TAFA3: variants seen among roughly 807,000 people sequenced by gnomAD.
The protein encoded by TAFA3 is TAFA chemokine like family member 3.
Under a neutral mutation model 20.7 loss-of-function variants are expected in TAFA3, and 17 were observed. The ratio of observed to expected loss-of-function variants is 0.82; its 90% CI spans 0.56 to 1.23. The LOEUF (loss-of-function observed/expected upper bound fraction) is 1.23, where lower values mean the gene tolerates loss of function less well. TAFA3 is among the 50% of genes most tolerant of loss of function. The pLI, the probability that TAFA3 is intolerant of heterozygous loss-of-function variation, is 0.00. For synonymous variants in TAFA3, 74 were observed against 71.8 expected, an observed-to-expected ratio of 1.03 and a Z score of -0.16; for missense variants, 174 against 172.8, an observed-to-expected ratio of 1.01 and a Z score of -0.04.
intron 1 of TAFA3, among the ~76,000 whole-genome samples, chr1:112,719,572 G>A (rs938382012): frequency 1.3e-5 from 2 of 152,122 alleles, no homozygotes; most frequent in Admixed American, 6.5e-5. Context: ...TAGAATGCCA[G>A]GGATGAGAGC....
chr1:112,722,191 C>A (rs1195220531), intron 2 of TAFA3, 42 bp from the exon 3 acceptor site: 5 of 1,598,654 alleles, frequency 3.1e-6, no homozygotes, highest in Non-Finnish European at 3.4e-6. Context: ...CACAGGGGAG[C>A]TTCTGCCTGG....
At chr1:112,721,465 C>T (rs948317115) in intron 2 of TAFA3, among the ~76,000 whole-genome samples, 3 of 152,264 alleles carry the variant, frequency 2.0e-5, no homozygotes, top group African/African-American at 7.2e-5. Flanking sequence ...AGGTGTGCAC[C>T]ACCATGCCTG....
intron 3 of TAFA3, 151 bp from the exon 4 acceptor site, chr1:112,722,865 A>C: frequency 1.0e-6 from 1 of 966,514 alleles, no homozygotes; most frequent in Non-Finnish European, 1.5e-6. Flanking sequence ...AGCGGCGGGA[A>C]GATTTCATCC....
intron 2 of TAFA3, among the ~76,000 whole-genome samples, chr1:112,720,836 C>T (rs2101495225): frequency 6.6e-6 from 1 of 152,344 alleles, no homozygotes; most frequent in South Asian, 2.1e-4. Flanking sequence ...CTCCTGCTCC[C>T]TTCAATGGCT....
At chr1:112,723,952 C>T (rs1027176486) in intron 4 of TAFA3, 61 bp from the exon 5 acceptor site, 7 of 1,613,444 alleles carry the variant, frequency 4.3e-6, no homozygotes, top group African/African-American at 2.7e-5. Context: ...CAGACCTGCT[C>T]TTGGCTGCCC....
At chr1:112,723,626 G>A (rs540454087) in intron 4 of TAFA3, among the ~76,000 whole-genome samples, 3 of 152,106 alleles carry the variant, frequency 2.0e-5, no homozygotes, top group South Asian at 2.1e-4. Context: ...TGTGTCACGC[G>A]CATACCAGCT....
chr1:112,726,308 C>A (rs1397315600), intron 5 of TAFA3, among the ~76,000 whole-genome samples: 2 of 152,190 alleles, frequency 1.3e-5, no homozygotes, highest in Non-Finnish European at 2.9e-5. Context: ...GACAGCCATT[C>A]TGAGTATATT....
At chr1:112,719,620 C>A (rs1371191640) in intron 1 of TAFA3, among the ~76,000 whole-genome samples, 1 of 152,070 alleles carries the variant, frequency 6.6e-6, no homozygotes, top group Non-Finnish European at 1.5e-5. Flanking sequence ...CCCCACCCCA[C>A]CAAGGTCTTT....
chr1:112,722,877 C>G (rs1675362650), intron 3 of TAFA3, 139 bp from the exon 4 acceptor site: 1 of 1,102,522 alleles, frequency 9.1e-7, no homozygotes, highest in Admixed American at 2.9e-5. Flanking sequence ...ATTTCATCCA[C>G]TTCCTCCTCC....
In TAFA3 at chr1:112,723,080, C is replaced by T. The variant is rs778151571; in HGVS notation, c.180C>T (p.Ile60=). The T allele has an allele frequency of 1.2e-6, 2 of 1,612,990 alleles. No homozygotes were observed. The highest frequency in any genetic ancestry group is 1.7e-6 in the Non-Finnish European group (2 of 1,179,692). Residue 60 remains isoleucine, a synonymous_variant, in exon 4 of 6, where the codon ATC becomes ATT. Coordinates refer to ENST00000361886, the MANE Select transcript of TAFA3 (RefSeq NM_182759.3). ...ACCGCTGCTGCAACCGGAACCGCAT[C>T]GAGGAGCGCTCCCAGACGGTGAAAT... ...AAHRCCNRNR[I]EERSQTVKCS...
chr1:112,722,364 C>T lies in TAFA3; in HGVS notation c.115+16C>T, dbSNP rs1272308230. On this transcript the variant is annotated intron_variant, in intron 3 of 5. Transcript: ENST00000361886. Reference sequence around the variant, plus strand: ...ACTGCCACAGGTTTGGAGGAGGTGGCAGGGCCCGGGGAGGGAGTTTCCCAG... The same window carrying T: ...ACTGCCACAGGTTTGGAGGAGGTGGTAGGGCCCGGGGAGGGAGTTTCCCAG... The T allele has an allele frequency of 2.5e-6, 4 of 1,607,886 alleles. No individual in the cohort carries two copies. Among genetic ancestry groups the T allele is most frequent in the Non-Finnish European group, 3.4e-6 (4 of 1,176,686 alleles).
At chr1:112,723,305 C>A in intron 4 of TAFA3, 140 bp downstream of exon 4, 1 of 1,158,558 alleles carries the variant, frequency 8.6e-7, no homozygotes, top group Non-Finnish European at 1.2e-6. Flanking sequence ...GGGGCCCCCT[C>A]TGGGAGAAGA....
intron 5 of TAFA3, among the ~76,000 whole-genome samples, chr1:112,724,786 TA>T (rs58991438): frequency 0.018 from 927 of 51,428 alleles, 22 homozygotes; most frequent in African/African-American, 0.063. Context: ...AAGTATAATT[TA>T]AAAAAAAAAA....
At chr1:112,724,859 C>T (rs1675431947) in intron 5 of TAFA3, among the ~76,000 whole-genome samples, 1 of 102,540 alleles carries the variant, frequency 9.8e-6, no homozygotes, top group South Asian at 3.6e-4. Context: ...AACAGAACTA[C>T]CATTCAACCC....
At chr1:112,723,355 C>G (rs970358984) in intron 4 of TAFA3, among the ~76,000 whole-genome samples, 190 bp downstream of exon 4, 1 of 152,154 alleles carries the variant, frequency 6.6e-6, no homozygotes, top group Non-Finnish European at 1.5e-5. Context: ...ATGAGAAAAG[C>G]TCTTGTTATG....
At position 112,724,071 on chromosome 1, in the gene TAFA3, G is replaced by C. The variant is rs778724917; in HGVS notation, c.324G>C (p.Glu108Asp). ...TGGAGCCCTGCCTGCCGGGGGAGGAGTGTAAGGTGCTCCCGGACCTGTCGG... is the reference window on the plus strand; with the variant it reads ...TGGAGCCCTGCCTGCCGGGGGAGGACTGTAAGGTGCTCCCGGACCTGTCGG... ...CQMEPCLPGE[E>D]CKVLPDLSGW... Residue 108 changes from glutamate (E) to aspartate (D), a missense_variant, in exon 5 of 6, where the codon GAG (glutamate) becomes GAC (aspartate). Coordinates refer to ENST00000361886, the MANE Select transcript of TAFA3 (RefSeq NM_182759.3). 6.2e-7 allele frequency: 1 copy of C among 1,613,798 alleles called. No individual in the cohort carries two copies. The highest frequency in any genetic ancestry group is 8.5e-7 in the Non-Finnish European group (1 of 1,179,970).
chr1:112,724,816 CAAAAA>C, intron 5 of TAFA3, among the ~76,000 whole-genome samples: 5,481 of 22,924 alleles, frequency 0.24, 258 homozygotes, highest in South Asian at 0.36. Flanking sequence ...ATTAGAGCAG[CAAAAA>C]AAAAAAAAAA....
At chr1:112,723,196 C>T (rs1436701196) in intron 4 of TAFA3, 31 bp downstream of exon 4, 1 of 1,606,378 alleles carries the variant, frequency 6.2e-7, no homozygotes, top group Middle Eastern at 1.8e-4. Flanking sequence ...CGGGCAGGGC[C>T]CTGAGCAGAG....
At chr1:112,724,273 T>A in intron 5 of TAFA3, 136 bp downstream of exon 5, 1 of 798,060 alleles carries the variant, frequency 1.3e-6, no homozygotes, top group Non-Finnish European at 2.0e-6. Context: ...TCACAGACAG[T>A]CCTCTCAGGT....
Sources: gnomAD v4.1 joint callset for allele counts (sites outside exome capture counted in the v4.1 genomes callset) on GRCh38, gnomAD v4.1.1 for gene constraint, MANE v1.5 for transcripts, NCBI Gene and HGNC (gene_info 2026-07-23, HGNC 2026-07-21) for gene names.